Variants in DTD1 observed in about 807,000 individuals in gnomAD.
DTD1 encodes D-tyrosyl-tRNA deacylase 1 homolog.
A neutral mutation model predicts 25.6 loss-of-function variants in DTD1; 13 were observed. The ratio of observed to expected loss-of-function variants is 0.51; its 90% CI spans 0.33 to 0.81. The LOEUF (loss-of-function observed/expected upper bound fraction) is 0.81. Ranked by LOEUF, DTD1 falls within the 30% of genes least tolerant of loss-of-function variation. DTD1 has a pLI of 0.02. For synonymous variants in DTD1, 110 were observed against 103.6 expected, an observed-to-expected ratio of 1.06 and a Z score of -0.37; for missense variants, 193 against 266.4, an observed-to-expected ratio of 0.72 and a Z score of 1.92.
Position 18,592,675 on chromosome 20 carries a change from C to CTT in DTD1, c.44-1041_44-1040dup, listed in dbSNP as rs34864266. On this transcript the variant is annotated intron_variant, in intron 1 of 5. Transcript: ENST00000377452. ...GGGATTCTCCATCATAAAGATGCATCTTTTTTTTTTTTTTTTGAGATGGAG... is the reference window on the plus strand; with the variant it reads ...GGGATTCTCCATCATAAAGATGCATCTTTTTTTTTTTTTTTTTTGAGATGGAG... The CTT allele has an allele frequency of 9.8e-3, 1,322 of 135,292 alleles. 23 individuals are homozygous for CTT. The highest frequency in any genetic ancestry group is 0.029 in the African/African-American group (1,052 of 36,770). 8.4% of individuals were successfully genotyped at this position (135,292 alleles called of 1,614,324 possible).
intron 2 of DTD1, 69 bp from the exon 3 acceptor site, chr20:18,595,937 T>C (rs776062652): frequency 2.1e-4 from 279 of 1,354,206 alleles, no homozygotes; most frequent in Non-Finnish European, 2.8e-4. Flanking sequence ...GGTGACATTT[T>C]TGGGGTATGG....
At chr20:18,635,143 GT>G (rs2060802076) in intron 4 of DTD1, among the ~76,000 whole-genome samples, 1 of 152,202 alleles carries the variant, frequency 6.6e-6, no homozygotes, top group African/African-American at 2.4e-5. Context: ...GCAGGAGTAT[GT>G]TTTAAAGTCT....
chr20:18,761,309 G>A (rs896949104), intron 5 of DTD1, among the ~76,000 whole-genome samples: 2 of 152,200 alleles, frequency 1.3e-5, no homozygotes, highest in South Asian at 2.1e-4. Flanking sequence ...CGTCTTCTGC[G>A]TGGCTCACAC....
intron 5 of DTD1, among the ~76,000 whole-genome samples, chr20:18,746,858 T>C (rs964724022): frequency 6.6e-6 from 1 of 152,176 alleles, no homozygotes; most frequent in Non-Finnish European, 1.5e-5. Context: ...TGAGTCCTGT[T>C]GTCCTCTTAA....
chr20:18,688,709 T>A (rs1473591469), intron 4 of DTD1, among the ~76,000 whole-genome samples: 3 of 152,138 alleles, frequency 2.0e-5, no homozygotes, highest in Non-Finnish European at 4.4e-5. Context: ...TCATTTTATC[T>A]TCTAGTGTTT....
intron 3 of DTD1, among the ~76,000 whole-genome samples, chr20:18,627,549 C>T (rs1246791904): frequency 1.3e-5 from 2 of 152,186 alleles, no homozygotes; most frequent in Non-Finnish European, 2.9e-5. Flanking sequence ...CACGCAGCAG[C>T]CTCTGTGCTA....
chr20:18,650,239 C>T (rs931980211), intron 4 of DTD1, among the ~76,000 whole-genome samples: 1 of 152,086 alleles, frequency 6.6e-6, no homozygotes, highest in East Asian at 1.9e-4. Flanking sequence ...AAAACAAAAA[C>T]GAACACAAAA....
intron 4 of DTD1, chr20:18,631,106 G>T (rs1447857394): frequency 5.1e-6 from 5 of 985,272 alleles, no homozygotes; most frequent in Admixed American, 6.1e-5. Context: ...TCTCAGCTTT[G>T]CAGGGAAAGA....
At chr20:18,739,168 T>G (rs1054279713) in intron 4 of DTD1, among the ~76,000 whole-genome samples, 2 of 152,242 alleles carry the variant, frequency 1.3e-5, no homozygotes, top group Non-Finnish European at 2.9e-5. Flanking sequence ...CTCATTTTGC[T>G]TCCTGGCTGG....
At chr20:18,621,420 GT>G (rs2060733523) in intron 3 of DTD1, among the ~76,000 whole-genome samples, 1 of 152,106 alleles carries the variant, frequency 6.6e-6, no homozygotes, top group Non-Finnish European at 1.5e-5. Flanking sequence ...TTTGTAATTG[GT>G]CTGTGTTTTG....
chr20:18,645,375 C>G (rs1199286101), intron 4 of DTD1, among the ~76,000 whole-genome samples: 1 of 152,156 alleles, frequency 6.6e-6, no homozygotes, highest in Non-Finnish European at 1.5e-5. Context: ...GTGTGTAACT[C>G]TAGATTGCAG....
chr20:18,634,208 A>G (rs1446816678), intron 4 of DTD1, among the ~76,000 whole-genome samples: 1 of 152,156 alleles, frequency 6.6e-6, no homozygotes, highest in Non-Finnish European at 1.5e-5. Flanking sequence ...TTTCTGTGAT[A>G]GAAGCTTATT....
intron 4 of DTD1, among the ~76,000 whole-genome samples, chr20:18,660,586 G>T (rs937566579): frequency 2.6e-5 from 4 of 151,958 alleles, no homozygotes; most frequent in South Asian, 4.1e-4. Flanking sequence ...AAACAAAAAG[G>T]CTTTTTATTA....
chr20:18,731,306 G>T (rs374527195), intron 4 of DTD1, among the ~76,000 whole-genome samples: 1 of 151,940 alleles, frequency 6.6e-6, no homozygotes, highest in African/African-American at 2.4e-5. Context: ...TTTTCCTCTG[G>T]GTATCAGAAA....
At chr20:18,647,637 AG>A (rs2060855411) in intron 4 of DTD1, among the ~76,000 whole-genome samples, 1 of 151,954 alleles carries the variant, frequency 6.6e-6, no homozygotes, top group African/African-American at 2.4e-5. Flanking sequence ...GCAAGAAGGC[AG>A]GGGGTGGGGA....
chr20:18,744,508 C>T (rs1021179278), intron 5 of DTD1, among the ~76,000 whole-genome samples: 1 of 152,014 alleles, frequency 6.6e-6, no homozygotes. Flanking sequence ...TTAATGGACT[C>T]GCAGTTCCAC....
intron 4 of DTD1, among the ~76,000 whole-genome samples, chr20:18,657,081 A>G (rs1355854888): frequency 6.6e-6 from 1 of 152,240 alleles, no homozygotes; most frequent in Non-Finnish European, 1.5e-5. Flanking sequence ...ACACTAATCC[A>G]CAGATCTTCT....
chr20:18,734,986 C>T (rs1250233038), intron 4 of DTD1, among the ~76,000 whole-genome samples: 2 of 152,180 alleles, frequency 1.3e-5, no homozygotes, highest in African/African-American at 2.4e-5. Flanking sequence ...TGACATCAGC[C>T]GGGCCACAGG....
chr20:18,661,532 T>C lies in DTD1; in HGVS notation c.477+33299T>C, dbSNP rs527586340. On this transcript the variant is annotated intron_variant, in intron 4 of 5. Transcript: ENST00000377452. ...GACTACAGGTGCCCGCCAGCACGCC[T>C]GGCTAATTTTTTGTATTTTTAGTAG... 2.9e-4 allele frequency among the ~76,000 whole-genome samples: 44 copies of C among 152,194 alleles called. 1 individual carries two copies. The highest frequency in any genetic ancestry group is 1.9e-3 in the Admixed American group (29 of 15,288).
Sources: gnomAD v4.1 joint callset for allele counts (sites outside exome capture counted in the v4.1 genomes callset) on GRCh38, gnomAD v4.1.1 for gene constraint, MANE v1.5 for transcripts, NCBI Gene and HGNC (gene_info 2026-07-23, HGNC 2026-07-21) for gene names.